ANK1: variants seen among roughly 807,000 people sequenced by gnomAD.
ANK1 encodes the protein ankyrin 1.
In ANK1, 51 loss-of-function variants were observed where a neutral mutation model predicts 210.4. The ratio of observed to expected loss-of-function variants is 0.24; its 90% CI spans 0.19 to 0.31. The LOEUF (loss-of-function observed/expected upper bound fraction) is 0.31. Among genes scored for constraint, ANK1 ranks in the 10% least tolerant of loss-of-function variants. The pLI is 1.00. For missense variants in ANK1, 2,051 were observed against 2,504.4 expected (o/e 0.82, Z 3.86); for synonymous variants, 967 against 1,025.9 (o/e 0.94, Z 1.10).
chr8:41,785,292 C>T (rs1474463457), intron 1 of ANK1, among the ~76,000 whole-genome samples: 1 of 152,104 alleles, frequency 6.6e-6, no homozygotes, highest in Non-Finnish European at 1.5e-5. Flanking sequence ...CCCAGGAGTT[C>T]AAGGTTACAG....
rs756122138 is a variant in ANK1 at position 41,668,483 on chromosome 8, C to A, written c.5178G>T (p.Thr1726=). ...TTCCCTGGAATGAGTGTGGACCTTG[C>A]GTGACCTCCTCTTGCCAGGAACCTT... ...AAQGSWQEEV[T]QGPHSFQGTS... Residue 1726 remains threonine, a synonymous_variant, in exon 39 of 43, where the codon ACG becomes ACT. Coordinates refer to ENST00000289734, the MANE Select transcript of ANK1 (RefSeq NM_000037.4). 6 of 1,614,094 alleles carry A rather than the reference C, an allele frequency of 3.7e-6. No homozygotes were observed. Among genetic ancestry groups the A allele is most frequent in the Admixed American group, 1.7e-5 (1 of 60,010 alleles).
chr8:41,728,183 A>G (rs1296083967), intron 3 of ANK1, among the ~76,000 whole-genome samples, 177 bp from the exon 4 acceptor site: 1 of 152,162 alleles, frequency 6.6e-6, no homozygotes, highest in Non-Finnish European at 1.5e-5. Context: ...ATCATACTGA[A>G]AGTACAGGGA....
chr8:41,891,237 T>C (rs773153833), intron 1 of ANK1, among the ~76,000 whole-genome samples: 6 of 151,930 alleles, frequency 3.9e-5, no homozygotes, highest in Non-Finnish European at 7.4e-5. Flanking sequence ...CGCCACTACG[T>C]GCTCATTTTT....
rs1587677714 is a variant in ANK1, at chr8:41,896,210, C to T, written c.126+145G>A. ...AGAAGCCTCCGTCCCTCCTCTACGC[C>T]CACCGAGCCTTCCCCGCTCGGGTGC... On this transcript the variant is annotated intron_variant, in intron 1 of 42. Coordinates refer to the ANK1 transcript ENST00000265709. 8.2e-6 allele frequency: 10 copies of T among 1,214,982 alleles called. No homozygotes were observed. In the East Asian group the frequency reaches 2.9e-4, roughly 35 times the overall value. 75.3% of individuals were successfully genotyped at this position (1,214,982 alleles called of 1,614,324 possible).
At chr8:41,791,429 TTC>T (rs780168638) in intron 1 of ANK1, among the ~76,000 whole-genome samples, 1 of 150,668 alleles carries the variant, frequency 6.6e-6, no homozygotes, top group Non-Finnish European at 1.5e-5. Context: ...GGCACTAACT[TTC>T]TCTCTCTCTT....
intron 1 of ANK1, among the ~76,000 whole-genome samples, chr8:41,804,638 G>A (rs1850651728): frequency 6.6e-6 from 1 of 152,190 alleles, no homozygotes; most frequent in Middle Eastern, 3.2e-3. Context: ...ATGGGAGGGA[G>A]ATTACTGATT....
chr8:41,896,537 C>A, exon 1 of ANK1: 1 of 1,533,398 alleles, frequency 6.5e-7, no homozygotes, highest in East Asian at 2.6e-5. Context: ...CAGCGATCCC[C>A]GAGGCGACAC....
Position 41,727,956 on chromosome 8 carries a change from C to T in ANK1, c.279G>A (p.Val93=). Residue 93 remains valine (V), a synonymous_variant, in exon 4 of 43, where the codon GTG becomes GTA. Coordinates refer to ENST00000289734, the MANE Select transcript of ANK1 (RefSeq NM_000037.4). ...CTCCATAGTTGACAAGCTCCCGGAC[C>T]ACCTCATCCTGCCCGGCTAGAGCAG... ...HIAALAGQDE[V]VRELVNYGAN... 1 of 1,614,202 alleles carries T rather than the reference C, an allele frequency of 6.2e-7. No homozygotes were observed. Among genetic ancestry groups the T allele is most frequent in the Non-Finnish European group, 8.5e-7 (1 of 1,180,038 alleles).
chr8:41,703,420 GTGTATATATATATA>G (rs1464885263), intron 20 of ANK1, among the ~76,000 whole-genome samples: 2 of 51,142 alleles, frequency 3.9e-5, no homozygotes, highest in African/African-American at 1.2e-4. Context: ...GTGTGTGTGT[GTGTATATATATATA>G]TATATATATA....
At chr8:41,727,887 T>C in intron 4 of ANK1, 21 bp downstream of exon 4, 1 of 1,613,106 alleles carries the variant, frequency 6.2e-7, no homozygotes, top group Middle Eastern at 1.7e-4. Flanking sequence ...CACCCTCTAG[T>C]CCAGACCAGA....
chr8:41,704,515 T>C lies in ANK1; in HGVS notation c.2098-43A>G. ...AGGAGTGACCGGAGCTGTCCTGAGCTGGGCATCACATGAAATCCTTCCCAA... is the reference window on the plus strand; with the variant it reads ...AGGAGTGACCGGAGCTGTCCTGAGCCGGGCATCACATGAAATCCTTCCCAA... On this transcript the variant is annotated intron_variant, in intron 18 of 42. Coordinates refer to ENST00000289734, the MANE Select transcript of ANK1 (RefSeq NM_000037.4). This position sits in a 1 kb window ranked among gnomAD's most constrained non-coding sequence, Gnocchi z 4.1. The C allele has an allele frequency of 1.3e-6, 2 of 1,535,190 alleles. No homozygotes were observed. Among genetic ancestry groups the C allele is most frequent in the Non-Finnish European group, 1.8e-6 (2 of 1,108,332 alleles).
At chr8:41,816,013 T>A (rs1803262724) in intron 1 of ANK1, among the ~76,000 whole-genome samples, 1 of 152,230 alleles carries the variant, frequency 6.6e-6, no homozygotes, top group South Asian at 2.1e-4. Flanking sequence ...GGAAACCTTT[T>A]TAAACAGACA....
chr8:41,854,549 T>C (rs778862849), intron 1 of ANK1, among the ~76,000 whole-genome samples: 30 of 151,796 alleles, frequency 2.0e-4, no homozygotes, highest in Admixed American at 3.3e-4. Flanking sequence ...CTTCGGTGAG[T>C]GGTGGTGAAA....
intron 1 of ANK1, among the ~76,000 whole-genome samples, chr8:41,767,355 C>G (rs1404334882): frequency 6.6e-6 from 1 of 151,324 alleles, no homozygotes; most frequent in Non-Finnish European, 1.5e-5. Flanking sequence ...AGGGTCTGGC[C>G]CGGACCTGCC....
Position 41,810,515 on chromosome 8 carries a change from A to G in ANK1, c.127-52378T>C, listed in dbSNP as rs558901708. Among the ~76,000 whole-genome samples the G allele has an allele frequency of 3.7e-3, 565 of 152,316 alleles. 4 individuals are homozygous for G. Among genetic ancestry groups the G allele is most frequent in the African/African-American group, 0.013 (533 of 41,572 alleles). On this transcript the variant is annotated intron_variant, in intron 1 of 42. Coordinates refer to the ANK1 transcript ENST00000265709. ...GTGGCCCCTCTGCTGAGGCTGCCCT[A>G]CAGCCGTGCAAAGGCTTTTTAGTGG...
chr8:41,692,538 A>G, intron 31 of ANK1, 110 bp downstream of exon 31: 1 of 1,071,716 alleles, frequency 9.3e-7, no homozygotes, highest in Non-Finnish European at 1.4e-6. Context: ...ACAGCTGTGG[A>G]GCCCCTCGTC....
Position 41,843,413 on chromosome 8 carries a change from C to T in ANK1, c.126+52942G>A, listed in dbSNP as rs181234333. Among the ~76,000 whole-genome samples the T allele has an allele frequency of 6.9e-3, 1,039 of 151,316 alleles. 17 individuals are homozygous for T. Among genetic ancestry groups the T allele is most frequent in the African/African-American group, 0.024 (1,000 of 41,126 alleles). On this transcript the variant is annotated intron_variant, in intron 1 of 42. Coordinates refer to the ANK1 transcript ENST00000265709. ...CTTCATTTCCCCCCCACCCACTCCC[C>T]GCCCACCCCACACTCCTCCCAGTCT... is the stretch of plus-strand genomic sequence containing the variant.
At chr8:41,708,644 G>T in intron 17 of ANK1, 134 bp downstream of exon 17, 1 of 988,138 alleles carries the variant, frequency 1.0e-6, no homozygotes, top group Non-Finnish European at 1.6e-6. Flanking sequence ...AAGGTGAAAT[G>T]TACGCAGGGC....
chr8:41,659,184 T>C (rs577790780), intron 42 of ANK1, among the ~76,000 whole-genome samples: 1 of 152,212 alleles, frequency 6.6e-6, no homozygotes, highest in Admixed American at 6.5e-5. Context: ...ATTCCCTCCT[T>C]AAGGAACATC....
Sources: gnomAD v4.1 joint callset for allele counts (sites outside exome capture counted in the v4.1 genomes callset) on GRCh38, gnomAD v4.1.1 for gene constraint, Gnocchi (gnomAD v3.1) non-coding constraint, MANE v1.5 for transcripts, NCBI Gene and HGNC (gene_info 2026-07-23, HGNC 2026-07-21) for gene names.